ZSWIM6: variants seen among roughly 807,000 people sequenced by gnomAD.
The protein encoded by ZSWIM6 is zinc finger SWIM domain-containing protein 6.
Under a neutral mutation model 113.2 loss-of-function variants are expected in ZSWIM6, and 9 were observed. The ratio of observed to expected loss-of-function variants is 0.08; its 90% CI spans 0.05 to 0.14. The LOEUF is 0.14. ZSWIM6 is among the 10% of genes least tolerant of loss of function. The pLI is 1.00. For synonymous variants in ZSWIM6, 611 were observed against 606.5 expected (o/e 1.01, Z -0.11); for missense variants, 1,162 against 1,552.2 (o/e 0.75, Z 4.22).
chr5:61,541,827 T>C (rs1009930908), intron 12 of ZSWIM6, 57 bp from the exon 13 acceptor site: 1 of 1,448,444 alleles, frequency 6.9e-7, no homozygotes, highest in African/African-American at 1.4e-5. Context: ...TCCCCCCCCT[T>C]TTTTTTCATT....
chr5:61,476,993 C>T (rs958694155), intron 2 of ZSWIM6, among the ~76,000 whole-genome samples: 2 of 152,248 alleles, frequency 1.3e-5, no homozygotes, highest in South Asian at 4.1e-4. Context: ...AGATAACTGA[C>T]CTTACCTCAT....
chr5:61,335,618 T>C lies in ZSWIM6; in HGVS notation c.676+2670T>C, dbSNP rs868694905. ...TAAAATGGAAAAGAACAGAATACTT[T>C]GTTGATAGCACCATAAAGCAGTTTT... On this transcript the variant is annotated intron_variant, in intron 1 of 13. Coordinates refer to ENST00000252744, the MANE Select transcript of ZSWIM6 (RefSeq NM_020928.2). Among the ~76,000 whole-genome samples, 6 of 152,380 alleles carry C rather than the reference T, an allele frequency of 3.9e-5. No homozygotes were observed. The Middle Eastern group carries it at 0.01, about 259-fold the overall frequency.
chr5:61,500,195 C>T (rs1332895333), intron 4 of ZSWIM6, among the ~76,000 whole-genome samples: 3 of 151,514 alleles, frequency 2.0e-5, no homozygotes, highest in African/African-American at 7.3e-5. Context: ...AGTGCGATCA[C>T]GGCTCACCAC....
At chr5:61,375,788 A>G in intron 1 of ZSWIM6, 1 of 1,463,194 alleles carries the variant, frequency 6.8e-7, no homozygotes, top group Non-Finnish European at 9.4e-7. Flanking sequence ...AAAAAGAAAA[A>G]GAAGCATAAG....
In ZSWIM6 at chr5:61,531,729, G is replaced by A; in HGVS notation, c.2245+4G>A. 1 of 1,550,900 alleles carries A rather than the reference G, an allele frequency of 6.4e-7. No homozygotes were observed. Among genetic ancestry groups the A allele is most frequent in the Non-Finnish European group, 8.7e-7 (1 of 1,146,414 alleles). On this transcript the variant is annotated splice_donor_region_variant and intron_variant, in intron 9 of 13. Coordinates refer to ENST00000252744, the MANE Select transcript of ZSWIM6 (RefSeq NM_020928.2). ...CAAGCAGTCTTCCTATTAGAAGGTA[G>A]CCTGATACAGAAGTTTTCCACTTAT... is the stretch of plus-strand genomic sequence containing the variant.
chr5:61,366,001 GC>G (rs963226346), intron 1 of ZSWIM6, among the ~76,000 whole-genome samples: 2 of 151,944 alleles, frequency 1.3e-5, no homozygotes, highest in Non-Finnish European at 2.9e-5. Flanking sequence ...CACCTCCCAG[GC>G]TCAAGTGATC....
intron 1 of ZSWIM6, among the ~76,000 whole-genome samples, chr5:61,405,485 G>A (rs1746024638): frequency 6.6e-6 from 1 of 152,158 alleles, no homozygotes; most frequent in Non-Finnish European, 1.5e-5. Context: ...GACTTTATGA[G>A]GGGCTAACTC....
chr5:61,469,835 G>A (rs1434665450), intron 1 of ZSWIM6, among the ~76,000 whole-genome samples: 1 of 152,102 alleles, frequency 6.6e-6, no homozygotes, highest in African/African-American at 2.4e-5. Context: ...AGCTCCCCGA[G>A]TAGCTGGGAC....
At chr5:61,535,342 G>T (rs1489158158) in intron 9 of ZSWIM6, 142 bp from the exon 10 acceptor site, 3 of 1,057,758 alleles carry the variant, frequency 2.8e-6, no homozygotes, top group Non-Finnish European at 4.0e-6. Context: ...TTTGATTAAG[G>T]ATTATATTCC....
Position 61,530,077 on chromosome 5 carries a change from G to A in ZSWIM6, c.1863G>A (p.Ser621=), listed in dbSNP as rs202105182. Residue 621 remains serine (S), a synonymous_variant, in exon 8 of 14, where the codon TCG becomes TCA. Transcript: ENST00000252744. ...KKELPHKNIT[S]ITNLEGWVGH... Reference sequence around the variant, plus strand: ...AGCTACCCCATAAAAACATAACCTCGATAACCAATCTGGAGGGCTGGGTTG... The same window carrying A: ...AGCTACCCCATAAAAACATAACCTCAATAACCAATCTGGAGGGCTGGGTTG... The A allele has an allele frequency of 5.7e-5, 88 of 1,550,758 alleles. No homozygotes were observed. In the African/African-American group the frequency reaches 9.9e-4, roughly 17 times the overall value.
chr5:61,369,083 G>A (rs1745215153), intron 1 of ZSWIM6, among the ~76,000 whole-genome samples: 1 of 152,218 alleles, frequency 6.6e-6, no homozygotes, highest in Non-Finnish European at 1.5e-5. Context: ...ACTATAGAGT[G>A]TTTACACACA....
chr5:61,459,145 CAT>C (rs1490994474), intron 1 of ZSWIM6, among the ~76,000 whole-genome samples: 1 of 152,184 alleles, frequency 6.6e-6, no homozygotes, highest in Non-Finnish European at 1.5e-5. Context: ...GGCAGTGATT[CAT>C]AGTTATCTGT....
At chr5:61,394,887 C>G (rs929219898) in intron 1 of ZSWIM6, among the ~76,000 whole-genome samples, 1 of 152,112 alleles carries the variant, frequency 6.6e-6, no homozygotes, top group Non-Finnish European at 1.5e-5. Context: ...GTGCAGGACC[C>G]TCTGCACTAT....
At chr5:61,359,996 C>CAG (rs146077379) in intron 1 of ZSWIM6, among the ~76,000 whole-genome samples, 2,718 of 147,548 alleles carry the variant, frequency 0.018, 37 homozygotes, top group African/African-American at 0.031. Flanking sequence ...ACCAGAAAAG[C>CAG]AGAGAGAGAG....
chr5:61,433,951 C>G (rs1233614908), intron 1 of ZSWIM6, among the ~76,000 whole-genome samples: 1 of 149,212 alleles, frequency 6.7e-6, no homozygotes, highest in African/African-American at 2.5e-5. Flanking sequence ...AATCACATAA[C>G]ATGCATACAT....
chr5:61,401,505 T>C (rs1745938459), intron 1 of ZSWIM6, among the ~76,000 whole-genome samples: 1 of 152,162 alleles, frequency 6.6e-6, no homozygotes, highest in Non-Finnish European at 1.5e-5. Context: ...CCCTTTATTA[T>C]GAGGTTTCAT....
At chr5:61,537,863 T>C (rs546165628) in intron 10 of ZSWIM6, among the ~76,000 whole-genome samples, 1 of 152,376 alleles carries the variant, frequency 6.6e-6, no homozygotes, top group South Asian at 2.1e-4. Context: ...TTAGGTACTC[T>C]ACTAAGCTTT....
chr5:61,481,706 T>G (rs973683610), intron 2 of ZSWIM6, among the ~76,000 whole-genome samples: 2 of 152,014 alleles, frequency 1.3e-5, no homozygotes, highest in Non-Finnish European at 2.9e-5. Context: ...ACTTAGATAG[T>G]GGTCCTTCAT....
intron 1 of ZSWIM6, among the ~76,000 whole-genome samples, chr5:61,358,086 GT>G (rs1429584012): frequency 6.6e-6 from 1 of 152,102 alleles, no homozygotes; most frequent in East Asian, 1.9e-4. Flanking sequence ...CATTTTGTAT[GT>G]CTTCTTTGCC....
Sources: allele counts gnomAD v4.1 joint callset (sites outside exome capture counted in the v4.1 genomes callset), GRCh38; gene constraint gnomAD v4.1.1; transcripts MANE v1.5; gene names NCBI Gene and HGNC (gene_info 2026-07-23, HGNC 2026-07-21).